SP4: variants seen among roughly 807,000 people sequenced by gnomAD.
The protein encoded by SP4 is Sp4 transcription factor, also known as transcription factor Sp4.
Under a neutral mutation model 72.8 loss-of-function variants are expected in SP4, and 19 were observed. That is an observed-to-expected ratio of 0.26 (90% confidence interval 0.18 to 0.38). The LOEUF is 0.38. Among genes scored for constraint, SP4 ranks in the 10% least tolerant of loss-of-function variants. SP4 has a pLI of 1.00. For synonymous variants in SP4, 395 were observed against 333.1 expected, an observed-to-expected ratio of 1.19 and a Z score of -2.02; for missense variants, 1,008 against 926.3, an observed-to-expected ratio of 1.09 and a Z score of -1.14.
At chr7:21,497,678 C>G (rs1207915789) in intron 5 of SP4, among the ~76,000 whole-genome samples, 1 of 152,160 alleles carries the variant, frequency 6.6e-6, no homozygotes, top group African/African-American at 2.4e-5. Context: ...ATGATGCTGT[C>G]TGTGGCACAT....
rs1033546008 is a variant in SP4, at chr7:21,471,992, C to G, written c.1679-5087C>G. 6.6e-5 allele frequency among the ~76,000 whole-genome samples: 10 copies of G among 152,054 alleles called. 1 individual carries two copies. The highest frequency in any genetic ancestry group is 2.4e-4 in the African/African-American group (10 of 41,404). The stretch of plus-strand genomic sequence containing the variant: ...GATAGAGAGGAATCAAGAATGACTT[C>G]CAAATTTTCTATTTGAATGGTGAAA... On this transcript the variant is annotated intron_variant, in intron 3 of 5. Coordinates refer to ENST00000222584, the MANE Select transcript of SP4 (RefSeq NM_003112.5).
At chr7:21,482,754 G>A (rs551197718) in intron 5 of SP4, 1 of 978,582 alleles carries the variant, frequency 1.0e-6, no homozygotes, top group African/African-American at 1.8e-5. Context: ...AAAATGTTTT[G>A]TGTGTGTTAT....
At position 21,429,775 on chromosome 7, in the gene SP4, A is replaced by C. The variant is rs747220716; in HGVS notation, c.610A>C (p.Asn204His). ...GQIQLISAGN[N>H]QAILTAANRT... ...AATTCAGCTCATTTCTGCAGGTAAT[A>C]ATCAAGCTATACTCACAGCTGCTAA... The change falls in exon 3 of 6, where the codon AAT becomes CAT. Residue 204 changes from asparagine to histidine, a missense_variant. Coordinates refer to ENST00000222584, the MANE Select transcript of SP4 (RefSeq NM_003112.5). The C allele has an allele frequency of 3.7e-6, 6 of 1,614,136 alleles. No individual in the cohort carries two copies. The Admixed American group carries it at 6.7e-5, about 18-fold the overall frequency.
intron 2 of SP4, 130 bp from the exon 3 acceptor site, chr7:21,429,159 A>C: frequency 5.0e-6 from 3 of 601,232 alleles, no homozygotes; most frequent in Non-Finnish European, 8.8e-6. Context: ...TTTCTTTTTG[A>C]TTTCTGCTGC....
At chr7:21,454,761 GT>G (rs1783710597) in intron 3 of SP4, among the ~76,000 whole-genome samples, 1 of 152,162 alleles carries the variant, frequency 6.6e-6, no homozygotes, top group South Asian at 2.1e-4. Context: ...GAAGTTATTG[GT>G]TAAAGATTTA....
At chr7:21,508,829 T>TC (rs983940114) in intron 5 of SP4, among the ~76,000 whole-genome samples, 2 of 150,162 alleles carry the variant, frequency 1.3e-5, no homozygotes, top group African/African-American at 4.9e-5. Context: ...TTTTTTTTTT[T>TC]TGAGACAAGG....
intron 3 of SP4, among the ~76,000 whole-genome samples, chr7:21,465,960 G>C (rs1784155450): frequency 6.6e-6 from 1 of 152,118 alleles, no homozygotes; most frequent in South Asian, 2.1e-4. Context: ...CCAGTGGTAT[G>C]CTGTCTCAGG....
chr7:21,481,509 A>G (rs1287930064), intron 4 of SP4, among the ~76,000 whole-genome samples: 5 of 152,076 alleles, frequency 3.3e-5, no homozygotes, highest in African/African-American at 1.2e-4. Flanking sequence ...TAGAATTTTC[A>G]CTGGGAAACA....
rs185769230 is a variant in SP4 at position 21,494,740 on chromosome 7, A to G, written c.2107+12617A>G. Among the ~76,000 whole-genome samples, 15 of 152,330 alleles carry G rather than the reference A, an allele frequency of 9.8e-5. No individual in the cohort carries two copies. The East Asian group carries it at 2.9e-3, about 29-fold the overall frequency. The stretch of plus-strand genomic sequence containing the variant: ...CTGCAGATTCAGTATAATCCTTCTC[A>G]TAATTCCAGCAGCATTTTTATAGAT... On this transcript the variant is annotated intron_variant, in intron 5 of 5. Transcript: ENST00000222584.
chr7:21,452,333 A>G (rs2128399021), intron 3 of SP4, among the ~76,000 whole-genome samples: 1 of 152,334 alleles, frequency 6.6e-6, no homozygotes, highest in South Asian at 2.1e-4. Context: ...ACTTCCTTCC[A>G]TAAGGAGTCT....
chr7:21,485,219 A>T (rs1784780563), intron 5 of SP4, among the ~76,000 whole-genome samples: 1 of 151,994 alleles, frequency 6.6e-6, no homozygotes, highest in Non-Finnish European at 1.5e-5. Flanking sequence ...TCGTAGCAAC[A>T]ACTATGCTTT....
chr7:21,491,117 C>T (rs1416621994), intron 5 of SP4, among the ~76,000 whole-genome samples: 2 of 152,088 alleles, frequency 1.3e-5, no homozygotes, highest in African/African-American at 4.8e-5. Flanking sequence ...CAGATAAGAC[C>T]TTTAAAGCAG....
At chr7:21,438,486 C>T (rs1356603925) in intron 3 of SP4, among the ~76,000 whole-genome samples, 1 of 152,008 alleles carries the variant, frequency 6.6e-6, no homozygotes, top group Non-Finnish European at 1.5e-5. Context: ...TCTGTTCATT[C>T]TTAAATTTAC....
intron 3 of SP4, among the ~76,000 whole-genome samples, chr7:21,440,865 ACAACAACAACAACAACAACAACAG>A (rs941011334): frequency 8.4e-4 from 49 of 58,576 alleles, no homozygotes; most frequent in Middle Eastern, 0.011. Flanking sequence ...AACAACAACA[ACAACAACAACAACAACAACAACAG>A]CAGCAAACAG....
intron 3 of SP4, among the ~76,000 whole-genome samples, chr7:21,455,656 G>A (rs1406452597): frequency 6.6e-6 from 1 of 152,060 alleles, no homozygotes; most frequent in Non-Finnish European, 1.5e-5. Context: ...TTCATCCTTG[G>A]GGTTACGGAA....
At chr7:21,494,772 C>G (rs1785064963) in intron 5 of SP4, among the ~76,000 whole-genome samples, 1 of 152,108 alleles carries the variant, frequency 6.6e-6, no homozygotes, top group Non-Finnish European at 1.5e-5. Flanking sequence ...AGATAACAAG[C>G]TGATTCTAAA....
At chr7:21,502,217 C>CT (rs939339780) in intron 5 of SP4, among the ~76,000 whole-genome samples, 2 of 152,118 alleles carry the variant, frequency 1.3e-5, no homozygotes, top group African/African-American at 4.8e-5. Flanking sequence ...ACGGTAACAA[C>CT]TTATCATCCT....
intron 3 of SP4, among the ~76,000 whole-genome samples, chr7:21,471,404 A>G (rs1259021618): frequency 6.6e-6 from 1 of 152,254 alleles, no homozygotes; most frequent in Non-Finnish European, 1.5e-5. Flanking sequence ...TGATCAACAT[A>G]GATAATGTAT....
intron 3 of SP4, among the ~76,000 whole-genome samples, chr7:21,460,198 A>ACGGAC (rs1353791508): frequency 6.6e-6 from 1 of 152,188 alleles, no homozygotes; most frequent in Non-Finnish European, 1.5e-5. Flanking sequence ...GAATGAAGCC[A>ACGGAC]CGGACCCTTG....
Sources: allele counts gnomAD v4.1 joint callset (sites outside exome capture counted in the v4.1 genomes callset), GRCh38; gene constraint gnomAD v4.1.1; transcripts MANE v1.5; gene names NCBI Gene and HGNC (gene_info 2026-07-23, HGNC 2026-07-21).